GTF2A1: variants seen among roughly 807,000 people sequenced by gnomAD.
The protein encoded by GTF2A1 is general transcription factor IIA subunit 1, also known as transcription initiation factor IIA subunit 1.
Under a neutral mutation model 54.1 loss-of-function variants are expected in GTF2A1, and 12 were observed. That is an observed-to-expected ratio of 0.22 (90% CI 0.14 to 0.36). The LOEUF (loss-of-function observed/expected upper bound fraction) is 0.36. Ranked by LOEUF, GTF2A1 falls within the 10% of genes least tolerant of loss-of-function variation. The probability of loss-of-function intolerance (pLI) is 1.00; values close to 1 mark genes in which losing one functional copy is unlikely to be tolerated. For synonymous variants in GTF2A1, 145 were observed against 152.0 expected (o/e 0.95, Z 0.34); for missense variants, 335 against 442.2 (o/e 0.76, Z 2.17).
At chr14:81,218,203 A>T (rs2140045670) in intron 1 of GTF2A1, among the ~76,000 whole-genome samples, 1 of 152,318 alleles carries the variant, frequency 6.6e-6, no homozygotes, top group African/African-American at 2.4e-5. Flanking sequence ...TCAGTAAACT[A>T]GATGGTGTTT....
chr14:81,185,717 G>A, intron 7 of GTF2A1, 97 bp from the exon 8 acceptor site: 1 of 624,114 alleles, frequency 1.6e-6, no homozygotes, highest in Non-Finnish European at 2.8e-6. Context: ...AGAACCAAAT[G>A]CCAAATGCAT....
chr14:81,196,002 C>A lies in GTF2A1; in HGVS notation c.612+106G>T. 5 of 941,024 alleles carry A rather than the reference C, an allele frequency of 5.3e-6. No individual in the cohort carries two copies. The South Asian group carries it at 6.0e-5, about 11-fold the overall frequency. The allele number at this position is 941,024 out of a possible 1,614,324, so 58.3% of individuals were successfully genotyped here. On this transcript the variant is annotated intron_variant, in intron 6 of 8. Coordinates refer to ENST00000553612, the MANE Select transcript of GTF2A1 (RefSeq NM_015859.4). ...AAATTTGAAACAACTGGGTCTGTAGCACTGAAAAAGAGTCTTTTGTGCATA... is the reference window on the plus strand; with the variant it reads ...AAATTTGAAACAACTGGGTCTGTAGAACTGAAAAAGAGTCTTTTGTGCATA...
At chr14:81,185,462 C>G in intron 8 of GTF2A1, 69 bp downstream of exon 8, 1 of 860,572 alleles carries the variant, frequency 1.2e-6, no homozygotes, top group South Asian at 1.4e-5. Flanking sequence ...TTCAATAAGG[C>G]AGAAAGAATA....
chr14:81,220,440 T>G, intron 1 of GTF2A1, 49 bp downstream of exon 1: 1 of 1,414,442 alleles, frequency 7.1e-7, no homozygotes, highest in South Asian at 1.3e-5. Flanking sequence ...GTCCGGCCGT[T>G]GCTGCAGCCT....
At chr14:81,190,975 T>C (rs1296756197) in intron 7 of GTF2A1, among the ~76,000 whole-genome samples, 2 of 152,088 alleles carry the variant, frequency 1.3e-5, no homozygotes, top group Non-Finnish European at 2.9e-5. Context: ...GAAAAGGTAA[T>C]AAAAACATGT....
chr14:81,206,663 A>G (rs1893237837), intron 2 of GTF2A1, among the ~76,000 whole-genome samples: 1 of 152,208 alleles, frequency 6.6e-6, no homozygotes, highest in African/African-American at 2.4e-5. Flanking sequence ...GATGTATGCT[A>G]AAGTGAGAAC....
intron 2 of GTF2A1, among the ~76,000 whole-genome samples, chr14:81,214,506 C>T (rs1489305158): frequency 6.6e-6 from 1 of 151,864 alleles, no homozygotes; most frequent in Non-Finnish European, 1.5e-5. Context: ...ATTAGCCAGG[C>T]GTCGTGGCGG....
intron 2 of GTF2A1, among the ~76,000 whole-genome samples, chr14:81,215,504 T>G (rs1457497186): frequency 6.6e-6 from 1 of 152,110 alleles, no homozygotes; most frequent in Non-Finnish European, 1.5e-5. Context: ...GGCAAAAATA[T>G]TCCACAATTT....
intron 2 of GTF2A1, 86 bp from the exon 3 acceptor site, chr14:81,204,190 T>C: frequency 1.1e-6 from 1 of 910,212 alleles, no homozygotes; most frequent in Non-Finnish European, 1.8e-6. Flanking sequence ...CTTTATAAAG[T>C]TATTCCATTT....
chr14:81,217,193 T>C (rs1039854369), intron 1 of GTF2A1, among the ~76,000 whole-genome samples: 3 of 152,242 alleles, frequency 2.0e-5, no homozygotes, highest in Non-Finnish European at 2.9e-5. Context: ...ATTAGCACCG[T>C]TGATACTACT....
At chr14:81,190,023 A>C (rs1892840295) in intron 7 of GTF2A1, among the ~76,000 whole-genome samples, 1 of 152,040 alleles carries the variant, frequency 6.6e-6, no homozygotes. Flanking sequence ...AAAAGATGGC[A>C]CAATAATTAT....
At chr14:81,183,228 A>G (rs1892675742) in intron 8 of GTF2A1, among the ~76,000 whole-genome samples, 1 of 152,192 alleles carries the variant, frequency 6.6e-6, no homozygotes, top group South Asian at 2.1e-4. Flanking sequence ...TTGCACATGA[A>G]AAGAGCTGTC....
At position 81,179,038 on chromosome 14, in the gene GTF2A1, C is replaced by T. The variant is rs531781098; in HGVS notation, c.*1185G>A. 2.0e-5 allele frequency: 3 copies of T among 152,256 alleles called. No individual in the cohort carries two copies. Among genetic ancestry groups the T allele is most frequent in the Admixed American group, 6.5e-5 (1 of 15,296 alleles). The allele number at this position is 152,256 out of a possible 1,614,324, so 9.4% of individuals were successfully genotyped here. A position where few individuals can be genotyped will look rare whatever the true frequency, so the allele number is the denominator to read the frequency against. On this transcript the variant is annotated 3_prime_UTR_variant, in exon 9 of 9. Transcript: ENST00000553612. ...TTCCCAATGTGCAAACTGGAGCCAACGTCTTTATTTTCAATGGCCTGGAAG... is the reference window on the plus strand; with the variant it reads ...TTCCCAATGTGCAAACTGGAGCCAATGTCTTTATTTTCAATGGCCTGGAAG...
chr14:81,214,688 G>A (rs1893448646), intron 2 of GTF2A1, among the ~76,000 whole-genome samples: 2 of 151,386 alleles, frequency 1.3e-5, no homozygotes, highest in African/African-American at 4.9e-5. Flanking sequence ...GAGCTTTTCT[G>A]TATGTGAATT....
intron 2 of GTF2A1, among the ~76,000 whole-genome samples, chr14:81,210,138 T>C (rs908999723): frequency 2.0e-5 from 3 of 152,196 alleles, no homozygotes; most frequent in Non-Finnish European, 4.4e-5. Flanking sequence ...CCCCACACAT[T>C]TCCAACAGCT....
intron 2 of GTF2A1, among the ~76,000 whole-genome samples, chr14:81,206,524 T>C (rs1193114131): frequency 6.6e-6 from 1 of 152,184 alleles, no homozygotes; most frequent in Non-Finnish European, 1.5e-5. Context: ...CAGCGGACAC[T>C]TGCCCTTCCA....
chr14:81,190,027 T>G (rs1892840352), intron 7 of GTF2A1, among the ~76,000 whole-genome samples: 5 of 151,776 alleles, frequency 3.3e-5, no homozygotes, highest in Non-Finnish European at 7.4e-5. Flanking sequence ...GATGGCACAA[T>G]AATTATATTA....
At chr14:81,200,389 C>T (rs1378670507) in intron 4 of GTF2A1, among the ~76,000 whole-genome samples, 2 of 151,944 alleles carry the variant, frequency 1.3e-5, no homozygotes, top group Admixed American at 6.6e-5. Flanking sequence ...TTCAGGAGGC[C>T]GAGGTGGGCA....
chr14:81,206,592 T>C (rs1205619787), intron 2 of GTF2A1, among the ~76,000 whole-genome samples: 3 of 152,194 alleles, frequency 2.0e-5, no homozygotes, highest in Non-Finnish European at 2.9e-5. Context: ...AACATCAGCA[T>C]CACCTGGGTA....
Sources: gnomAD v4.1 joint callset for allele counts (sites outside exome capture counted in the v4.1 genomes callset) on GRCh38, gnomAD v4.1.1 for gene constraint, MANE v1.5 for transcripts, NCBI Gene and HGNC (gene_info 2026-07-23, HGNC 2026-07-21) for gene names.